Variants in MAN1C1 observed in about 807,000 individuals in gnomAD.
MAN1C1 encodes the protein mannosidase alpha class 1C member 1, also known as mannosyl-oligosaccharide 1,2-alpha-mannosidase IC.
Under a neutral mutation model 71.5 loss-of-function variants are expected in MAN1C1, and 49 were observed. The observed-to-expected ratio is 0.69, with a 90% CI of 0.54 to 0.87. The LOEUF is 0.87. Among genes scored for constraint, MAN1C1 ranks in the 40% least tolerant of loss-of-function variants. MAN1C1 has a pLI of 0.00. For synonymous variants in MAN1C1, 352 were observed against 343.7 expected (o/e 1.02, Z -0.27); for missense variants, 743 against 835.0 (o/e 0.89, Z 1.36).
rs2124744362 is a variant in MAN1C1, at chr1:25,618,235, C to T, written c.438C>T (p.Asn146=). The T allele has an allele frequency of 6.2e-7, 1 of 1,601,952 alleles. No homozygotes were observed. The highest frequency in any genetic ancestry group is 2.3e-5 in the East Asian group (1 of 44,298). ...GCGTCCCTTTCCGCTTTGACTTCAA[C>T]GCATTCCGGAGCCGTCTCCGCCACC... The part of the protein sequence containing the change: ...DEGVPFRFDF[N]AFRSRLRHPV... The change falls in exon 1 of 12, where the codon AAC becomes AAT. Residue 146 remains asparagine, a synonymous_variant. Coordinates refer to ENST00000374332, the MANE Select transcript of MAN1C1 (RefSeq NM_020379.4).
At position 25,775,164 on chromosome 1, in the gene MAN1C1, C is replaced by T. The variant is rs2047602727; in HGVS notation, c.1258-2941C>T. ...TCTCCAAAGTGTTGACAACTGGTGA[C>T]TCGGACCCAGGTTTCTGAGCCCTGA... On this transcript the variant is annotated intron_variant, in intron 8 of 11. Coordinates refer to ENST00000374332, the MANE Select transcript of MAN1C1 (RefSeq NM_020379.4). The surrounding 1 kb of genome is among the most constrained non-coding windows in gnomAD (Gnocchi z 5.1). Among the ~76,000 whole-genome samples the T allele has an allele frequency of 1.3e-5, 2 of 152,214 alleles. No individual in the cohort carries two copies. Among genetic ancestry groups the T allele is most frequent in the South Asian group, 4.1e-4 (2 of 4,834 alleles).
intron 1 of MAN1C1, among the ~76,000 whole-genome samples, chr1:25,642,741 A>T (rs1272938755): frequency 6.6e-6 from 1 of 152,222 alleles, no homozygotes; most frequent in Non-Finnish European, 1.5e-5. Flanking sequence ...GCCTAAGAGC[A>T]TTCATAGAGA....
Position 25,753,588 on chromosome 1 carries a change from C to T in MAN1C1, c.929+10C>T, listed in dbSNP as rs1301050509. 1 of 1,611,698 alleles carries T rather than the reference C, an allele frequency of 6.2e-7. No individual in the cohort carries two copies. Among genetic ancestry groups the T allele is most frequent in the South Asian group, 1.1e-5 (1 of 90,840 alleles). On this transcript the variant is annotated intron_variant, in intron 5 of 11. Transcript: ENST00000374332. The surrounding 1 kb of genome is among the most constrained non-coding windows in gnomAD (Gnocchi z 4.9). ...TGGTGAGCTTCAAAAGGTAGGGCGCCATCGCGTTCCCCACTGGGGCTTTAC... is the reference window on the plus strand; with the variant it reads ...TGGTGAGCTTCAAAAGGTAGGGCGCTATCGCGTTCCCCACTGGGGCTTTAC...
At chr1:25,619,005 T>C (rs1045534527) in intron 1 of MAN1C1, among the ~76,000 whole-genome samples, 2 of 152,228 alleles carry the variant, frequency 1.3e-5, no homozygotes, top group Non-Finnish European at 2.9e-5. Flanking sequence ...TCCGAGGTTA[T>C]TGGCATAATG....
chr1:25,748,905 C>T (rs1367758158), intron 3 of MAN1C1, among the ~76,000 whole-genome samples: 1 of 152,188 alleles, frequency 6.6e-6, no homozygotes, highest in Non-Finnish European at 1.5e-5. Flanking sequence ...AGTAGCCTGG[C>T]CAGAGTGGGA....
At chr1:25,655,986 G>A (rs1478273460) in intron 1 of MAN1C1, among the ~76,000 whole-genome samples, 1 of 151,744 alleles carries the variant, frequency 6.6e-6, no homozygotes, top group African/African-American at 2.4e-5. Flanking sequence ...GAGGGAGTGA[G>A]TATAGGCCCT....
chr1:25,636,205 A>G (rs1015371227), intron 1 of MAN1C1, among the ~76,000 whole-genome samples: 1 of 152,232 alleles, frequency 6.6e-6, no homozygotes, highest in African/African-American at 2.4e-5. Context: ...TATTGTCTTG[A>G]TAAACATCTT....
chr1:25,724,049 A>G (rs934771092), intron 2 of MAN1C1, among the ~76,000 whole-genome samples: 1 of 149,852 alleles, frequency 6.7e-6, no homozygotes, highest in Non-Finnish European at 1.5e-5. Flanking sequence ...TTTTTTTGAA[A>G]CAGAGTTTTG....
intron 2 of MAN1C1, among the ~76,000 whole-genome samples, chr1:25,704,106 C>T (rs1337249788): frequency 1.3e-5 from 2 of 152,318 alleles, no homozygotes; most frequent in East Asian, 3.9e-4. Context: ...TAGCAACCAG[C>T]CAGGAAAGCA....
At chr1:25,635,040 T>C (rs1264166945) in intron 1 of MAN1C1, among the ~76,000 whole-genome samples, 1 of 152,106 alleles carries the variant, frequency 6.6e-6, no homozygotes, top group African/African-American at 2.4e-5. Context: ...CTTTGTTTTC[T>C]TTCTTTCCTG....
intron 1 of MAN1C1, among the ~76,000 whole-genome samples, chr1:25,667,399 G>A (rs920047571): frequency 7.5e-5 from 11 of 146,490 alleles, no homozygotes; most frequent in Non-Finnish European, 1.5e-4. Flanking sequence ...CAGGATAATC[G>A]CTTGATCCCA....
chr1:25,730,226 C>T lies in MAN1C1; in HGVS notation c.638-16442C>T, dbSNP rs1021932459. Among the ~76,000 whole-genome samples the T allele has an allele frequency of 6.6e-6, 1 of 152,100 alleles. No homozygotes were observed. Among genetic ancestry groups the T allele is most frequent in the African/African-American group, 2.4e-5 (1 of 41,396 alleles). Reference sequence around the variant, plus strand: ...TCTGTCATAATCCCCTCCCTGCTTCCCTGTCAGTTTTTGACAGTTACCCTG... The same window carrying T: ...TCTGTCATAATCCCCTCCCTGCTTCTCTGTCAGTTTTTGACAGTTACCCTG... On this transcript the variant is annotated intron_variant, in intron 2 of 11. Coordinates refer to ENST00000374332, the MANE Select transcript of MAN1C1 (RefSeq NM_020379.4). The surrounding 1 kb of genome is among the most constrained non-coding windows in gnomAD (Gnocchi z 4.3).
intron 1 of MAN1C1, among the ~76,000 whole-genome samples, chr1:25,672,291 G>C (rs1467356382): frequency 1.3e-5 from 2 of 152,134 alleles, no homozygotes; most frequent in East Asian, 3.9e-4. Context: ...ACCTACATTG[G>C]GCGAGGGCGG....
chr1:25,619,391 G>C (rs1428465927), intron 1 of MAN1C1, among the ~76,000 whole-genome samples: 1 of 152,166 alleles, frequency 6.6e-6, no homozygotes, highest in African/African-American at 2.4e-5. Context: ...TCAGCAGTTC[G>C]ACCCTGATTT....
rs2047281415 is a variant in MAN1C1 at position 25,756,013 on chromosome 1, G to C, written c.929+2435G>C. ...TGGATTCAGTTCTACCACTTACTCT[G>C]TGGCCTCGCCCTCATTCTATGAAAT... On this transcript the variant is annotated intron_variant, in intron 5 of 11. Coordinates refer to ENST00000374332, the MANE Select transcript of MAN1C1 (RefSeq NM_020379.4). Among the ~76,000 whole-genome samples the C allele has an allele frequency of 3.3e-5, 5 of 152,318 alleles. 1 individual carries two copies. In the South Asian group the frequency reaches 1.0e-3, roughly 32 times the overall value.
chr1:25,747,351 G>C (rs1235070584), intron 3 of MAN1C1, among the ~76,000 whole-genome samples: 1 of 152,242 alleles, frequency 6.6e-6, no homozygotes, highest in African/African-American at 2.4e-5. Flanking sequence ...AGAGGGAATG[G>C]TCGTGTGTCT....
rs143605743 is a variant in MAN1C1 at position 25,680,602 on chromosome 1, G to A, written c.541-5838G>A. On this transcript the variant is annotated intron_variant, in intron 1 of 11. Transcript: ENST00000374332. Reference sequence around the variant, plus strand: ...GTGCATCTGGCATCTTTCACTAATCGTAGTATCTCAAGTTTCATCCATGCT... The same window carrying A: ...GTGCATCTGGCATCTTTCACTAATCATAGTATCTCAAGTTTCATCCATGCT... Among the ~76,000 whole-genome samples, 343 of 152,262 alleles carry A rather than the reference G, an allele frequency of 2.3e-3. 3 individuals are homozygous for A. Among genetic ancestry groups the A allele is most frequent in the African/African-American group, 6.7e-3 (279 of 41,558 alleles).
intron 1 of MAN1C1, among the ~76,000 whole-genome samples, chr1:25,654,707 T>C (rs1572124407): frequency 1.3e-5 from 2 of 151,820 alleles, no homozygotes; most frequent in African/African-American, 4.8e-5. Context: ...AGTGCAGTGG[T>C]GCGATCTTGG....
At chr1:25,691,557 G>A (rs1467368303) in intron 2 of MAN1C1, among the ~76,000 whole-genome samples, 1 of 152,218 alleles carries the variant, frequency 6.6e-6, no homozygotes, top group South Asian at 2.1e-4. Context: ...CATTCATCAA[G>A]CGTCAGCTGC....
Sources: allele counts gnomAD v4.1 joint callset (sites outside exome capture counted in the v4.1 genomes callset), GRCh38; gene constraint gnomAD v4.1.1; non-coding constraint Gnocchi (gnomAD v3.1); transcripts MANE v1.5; gene names NCBI Gene and HGNC (gene_info 2026-07-23, HGNC 2026-07-21).